CEP83: variants seen among roughly 807,000 people sequenced by gnomAD.
The protein encoded by CEP83 is centrosomal protein of 83 kDa.
In CEP83, 70 loss-of-function variants were observed where a neutral mutation model predicts 101.9. The observed-to-expected ratio is 0.69, with a 90% CI of 0.57 to 0.84. The LOEUF (loss-of-function observed/expected upper bound fraction) is 0.84, where lower values mean the gene tolerates loss of function less well. Ranked by LOEUF, CEP83 falls within the 40% of genes least tolerant of loss-of-function variation. The pLI, the probability that CEP83 is intolerant of heterozygous loss-of-function variation, is 0.00. For synonymous variants in CEP83, 264 were observed against 267.9 expected, an observed-to-expected ratio of 0.99 and a Z score of 0.14; for missense variants, 715 against 787.2, an observed-to-expected ratio of 0.91 and a Z score of 1.10.
At chr12:94,426,579 A>G (rs1270636581) in intron 2 of CEP83, among the ~76,000 whole-genome samples, 1 of 152,224 alleles carries the variant, frequency 6.6e-6, no homozygotes, top group South Asian at 2.1e-4. Flanking sequence ...CCAAATTCAG[A>G]AACAGTCTTC....
chr12:94,280,018 T>C, the CEP83 span: 1 of 371,312 alleles, frequency 2.7e-6, no homozygotes, highest in Non-Finnish European at 5.2e-6. Context: ...CACATTGGCA[T>C]TTGATTTGTT....
At chr12:94,373,385 TACTC>T (rs1366137433) in intron 8 of CEP83, among the ~76,000 whole-genome samples, 3 of 152,142 alleles carry the variant, frequency 2.0e-5, no homozygotes, top group South Asian at 2.1e-4. Context: ...AAAGTACACA[TACTC>T]ACAGAAAGAC....
intron 2 of CEP83, among the ~76,000 whole-genome samples, chr12:94,416,180 T>C (rs957355965): frequency 3.9e-5 from 6 of 152,184 alleles, no homozygotes; most frequent in East Asian, 1.9e-4. Flanking sequence ...TTAAAACTTA[T>C]GGAATAAAGG....
At chr12:94,448,743 AAC>A (rs1566240793) in intron 1 of CEP83, among the ~76,000 whole-genome samples, 1 of 152,166 alleles carries the variant, frequency 6.6e-6, no homozygotes, top group Non-Finnish European at 1.5e-5. Context: ...ATGAAAACAA[AAC>A]ACAGCAAACC....
chr12:94,313,019 T>C lies in CEP83; in HGVS notation c.1708-2A>G, dbSNP rs771071891. 3 of 1,354,218 alleles carry C rather than the reference T, an allele frequency of 2.2e-6. No individual in the cohort carries two copies. The highest frequency in any genetic ancestry group is 3.7e-5 in the Admixed American group (2 of 53,902). 83.9% of individuals were successfully genotyped at this position (1,354,218 alleles called of 1,614,324 possible). ...TTTGTTTTCATGAAGAGATTTTCTC[T>C]AAAAAGAGAAATATGAACAAGTATG... On this transcript the variant is annotated splice_acceptor_variant, in intron 14 of 16. Coordinates refer to ENST00000397809, the MANE Select transcript of CEP83 (RefSeq NM_016122.3). LOFTEE classifies it high-confidence loss of function.
intron 14 of CEP83, among the ~76,000 whole-genome samples, chr12:94,327,546 G>A (rs1043370001): frequency 1.3e-5 from 2 of 151,886 alleles, no homozygotes; most frequent in South Asian, 2.1e-4. Flanking sequence ...AAGAGTCTAC[G>A]TCATGTCTAC....
chr12:94,363,659 G>C (rs970725415), intron 11 of CEP83, among the ~76,000 whole-genome samples: 1 of 151,980 alleles, frequency 6.6e-6, no homozygotes, highest in African/African-American at 2.4e-5. Context: ...AGAAAGTAAT[G>C]AACATTAGGG....
chr12:94,312,039 C>T (rs1220649427), intron 15 of CEP83, among the ~76,000 whole-genome samples: 3 of 151,786 alleles, frequency 2.0e-5, no homozygotes, highest in Admixed American at 6.6e-5. Context: ...CGTGCCACTG[C>T]ACTCCACCCT....
chr12:94,275,854 CAAAAAAAAAAAAAAAA>C, the CEP83 span, among the ~76,000 whole-genome samples: 90 of 23,106 alleles, frequency 3.9e-3, 17 homozygotes, highest in African/African-American at 0.025. Flanking sequence ...GACTCCGTCT[CAAAAAAAAAAAAAAAA>C]AAAAAAAAAA....
intron 1 of CEP83, among the ~76,000 whole-genome samples, chr12:94,444,322 TG>T (rs763696358): frequency 2.6e-5 from 4 of 152,102 alleles, no homozygotes; most frequent in Non-Finnish European, 4.4e-5. Context: ...CACTTGAACG[TG>T]GGATGCAGAG....
chr12:94,303,658 G>T (rs1309458309), downstream of CEP83: 13 of 1,090,522 alleles, frequency 1.2e-5, no homozygotes, highest in Non-Finnish European at 1.6e-5. Context: ...GGTGGTGGGG[G>T]TTCAGCTACA....
chr12:94,350,601 G>A (rs761315780), intron 11 of CEP83, among the ~76,000 whole-genome samples: 4 of 151,368 alleles, frequency 2.6e-5, no homozygotes, highest in African/African-American at 4.9e-5. Context: ...AAAGGCATAG[G>A]GCAATAACAA....
chr12:94,455,690 A>G (rs972233121), intron 1 of CEP83, among the ~76,000 whole-genome samples: 2 of 152,240 alleles, frequency 1.3e-5, no homozygotes, highest in African/African-American at 2.4e-5. Context: ...GTCACAATAT[A>G]CAGAAGGCAA....
chr12:94,387,587 C>T (rs1369728846), intron 6 of CEP83, among the ~76,000 whole-genome samples: 1 of 152,086 alleles, frequency 6.6e-6, no homozygotes, highest in African/African-American at 2.4e-5. Flanking sequence ...ATAACTGGGA[C>T]CTAATTAAAC....
At chr12:94,364,085 T>C (rs2060907103) in intron 11 of CEP83, among the ~76,000 whole-genome samples, 1 of 151,094 alleles carries the variant, frequency 6.6e-6, no homozygotes. Flanking sequence ...AGTGAAATGG[T>C]GATTACCAGG....
At chr12:94,307,277 T>C (rs889085321), downstream of CEP83, 1 of 152,160 alleles carries the variant, frequency 6.6e-6, no homozygotes, top group African/African-American at 2.4e-5. Flanking sequence ...TGAGGTGGTA[T>C]GAAGATTCAC....
the CEP83 span, among the ~76,000 whole-genome samples, chr12:94,292,253 T>C: frequency 6.6e-6 from 1 of 152,032 alleles, no homozygotes; most frequent in Non-Finnish European, 1.5e-5. Context: ...TCATAAATGG[T>C]GATGGAAGAC....
At chr12:94,379,697 A>G (rs896226975) in intron 6 of CEP83, among the ~76,000 whole-genome samples, 3 of 152,102 alleles carry the variant, frequency 2.0e-5, no homozygotes, top group African/African-American at 7.2e-5. Flanking sequence ...CATGCCAATT[A>G]TCACTGCTGG....
rs1969352222 is a variant in CEP83, at chr12:94,308,712, T to C, written c.*101A>G. On this transcript the variant is annotated 3_prime_UTR_variant, in exon 17 of 17. Coordinates refer to ENST00000397809, the MANE Select transcript of CEP83 (RefSeq NM_016122.3). Reference sequence around the variant, plus strand: ...TTTTCTTGAGGCACATTCAAGTGTTTTGGCAAACAGTAAAAAGTATCTAAA... The same window carrying C: ...TTTTCTTGAGGCACATTCAAGTGTTCTGGCAAACAGTAAAAAGTATCTAAA... 2 of 751,344 alleles carry C rather than the reference T, an allele frequency of 2.7e-6. No homozygotes were observed. The highest frequency in any genetic ancestry group is 1.6e-5 in the South Asian group (1 of 61,426). The allele number at this position is 751,344 out of a possible 1,614,324, so 46.5% of individuals were successfully genotyped here. A position where few individuals can be genotyped will look rare whatever the true frequency, so the allele number is the denominator to read the frequency against.
Sources: gnomAD v4.1 joint callset for allele counts (sites outside exome capture counted in the v4.1 genomes callset) on GRCh38, gnomAD v4.1.1 for gene constraint, MANE v1.5 for transcripts, NCBI Gene and HGNC (gene_info 2026-07-23, HGNC 2026-07-21) for gene names.